The following CTNNAL1 variants were observed in gnomAD, a reference collection of about 807,000 sequenced individuals.
CTNNAL1 encodes the protein alpha-catulin.
In CTNNAL1, 69 loss-of-function variants were observed where a neutral mutation model predicts 93.6. The observed-to-expected ratio is 0.74, with a 90% CI of 0.61 to 0.90. The LOEUF (loss-of-function observed/expected upper bound fraction) is 0.90. Ranked by LOEUF, CTNNAL1 falls within the 40% of genes least tolerant of loss-of-function variation. The pLI, the probability that CTNNAL1 is intolerant of heterozygous loss-of-function variation, is 0.00. For synonymous variants in CTNNAL1, 286 were observed against 305.4 expected (o/e 0.94, Z 0.66); for missense variants, 836 against 862.0 (o/e 0.97, Z 0.38).
intron 11 of CTNNAL1, among the ~76,000 whole-genome samples, chr9:108,963,969 C>T (rs564779433): frequency 6.6e-6 from 1 of 152,172 alleles, no homozygotes; most frequent in Non-Finnish European, 1.5e-5. Flanking sequence ...CTGGGCCTTA[C>T]AGATACTCCA....
At chr9:109,010,668 C>A (rs553064628) in intron 1 of CTNNAL1, among the ~76,000 whole-genome samples, 149 of 151,680 alleles carry the variant, frequency 9.8e-4, no homozygotes, top group African/African-American at 3.4e-3. Flanking sequence ...TCTGTGAATG[C>A]AAAAAAAACT....
In CTNNAL1 at chr9:108,972,853, TGGGGGGGTGGGA is replaced by T; in HGVS notation, c.1189-32_1189-21del. 2 of 54,968 alleles carry T rather than the reference TGGGGGGGTGGGA, an allele frequency of 3.6e-5. No individual in the cohort carries two copies. The highest frequency in any genetic ancestry group is 5.2e-5 in the Non-Finnish European group (2 of 38,546). The allele number at this position is 54,968 out of a possible 1,614,324, so 3.4% of individuals were successfully genotyped here. A position where few individuals can be genotyped will look rare whatever the true frequency, so the allele number is the denominator to read the frequency against. On this transcript the variant is annotated intron_variant, in intron 8 of 18. Coordinates refer to ENST00000325551, the MANE Select transcript of CTNNAL1 (RefSeq NM_003798.4). The stretch of plus-strand genomic sequence containing the variant: ...ATGAAGCTGCAGATGTGTGTGTGGG[TGGGGGGGTGGGA>T]GGGTGGAGAAGGAGAAGGGTGATGA...
chr9:108,969,249 G>A (rs1296189866), intron 10 of CTNNAL1, among the ~76,000 whole-genome samples: 2 of 150,230 alleles, frequency 1.3e-5, no homozygotes, highest in African/African-American at 2.5e-5. Context: ...CAGCCTGGGC[G>A]ACAGAGCTAG....
At chr9:108,972,864 G>GGGGGGCCGCCCCCCCCCC in intron 8 of CTNNAL1, 31 bp from the exon 9 acceptor site, 1 of 142,584 alleles carries the variant, frequency 7.0e-6, no homozygotes, top group Non-Finnish European at 1.0e-5. Flanking sequence ...GGGGGGGTGG[G>GGGGGGCCGCCCCCCCCCC]AGGGTGGAGA....
At chr9:108,991,550 A>C (rs1427777690) in intron 3 of CTNNAL1, among the ~76,000 whole-genome samples, 1 of 152,014 alleles carries the variant, frequency 6.6e-6, no homozygotes, top group Non-Finnish European at 1.5e-5. Context: ...TTAAAAAAAA[A>C]CACAGATATC....
At chr9:108,983,904 CTTGAT>C (rs1831518472) in intron 5 of CTNNAL1, among the ~76,000 whole-genome samples, 1 of 152,190 alleles carries the variant, frequency 6.6e-6, no homozygotes, top group Non-Finnish European at 1.5e-5. Context: ...TGGAAATACT[CTTGAT>C]TGATAATTTT....
chr9:108,952,612 A>G, intron 12 of CTNNAL1, 118 bp from the exon 13 acceptor site: 1 of 1,251,102 alleles, frequency 8.0e-7, no homozygotes, highest in South Asian at 1.4e-5. Flanking sequence ...AATATTCAGT[A>G]TGTAATGACT....
At chr9:108,976,938 G>C in intron 8 of CTNNAL1, 24 bp downstream of exon 8, 1 of 1,002,942 alleles carries the variant, frequency 1.0e-6, no homozygotes, top group Non-Finnish European at 1.4e-6. Context: ...AATTAGAAGA[G>C]GCTAAATTTC....
chr9:108,954,966 T>A lies in CTNNAL1; in HGVS notation c.1629+824A>T, dbSNP rs112840559. Among the ~76,000 whole-genome samples, 393 of 119,644 alleles carry A rather than the reference T, an allele frequency of 3.3e-3. 2 individuals are homozygous for A. Among genetic ancestry groups the A allele is most frequent in the African/African-American group, 0.01 (370 of 36,924 alleles). The allele number at this position is 119,644 out of a possible 152,430, so 78.5% of individuals were successfully genotyped here. ...TTACTATTGATAATCATCAGTAATT[T>A]TATTTTTTTTTTTTTTGAGACAGTC... is the stretch of plus-strand genomic sequence containing the variant. On this transcript the variant is annotated intron_variant, in intron 12 of 18. Coordinates refer to ENST00000325551, the MANE Select transcript of CTNNAL1 (RefSeq NM_003798.4).
chr9:108,992,899 G>T lies in CTNNAL1; in HGVS notation c.332-80C>A, dbSNP rs1564144869. The stretch of plus-strand genomic sequence containing the variant: ...ACTTCTCTCTAACCTTGAAGGTAAG[G>T]CACAATGAGGAGAAACTCAGCTTTG... On this transcript the variant is annotated intron_variant, in intron 2 of 18. Coordinates refer to ENST00000325551, the MANE Select transcript of CTNNAL1 (RefSeq NM_003798.4). The T allele has an allele frequency of 2.1e-6, 3 of 1,413,210 alleles. No individual in the cohort carries two copies. In the African/African-American group the frequency reaches 4.3e-5, roughly 20 times the overall value. 87.5% of individuals were successfully genotyped at this position (1,413,210 alleles called of 1,614,324 possible).
chr9:108,973,670 C>T (rs1232590462), intron 8 of CTNNAL1, among the ~76,000 whole-genome samples: 3 of 135,634 alleles, frequency 2.2e-5, no homozygotes, highest in Non-Finnish European at 4.7e-5. Flanking sequence ...ATCTTTTCTT[C>T]TTATCTTGCC....
chr9:108,981,799 C>T (rs1831439734), intron 6 of CTNNAL1, among the ~76,000 whole-genome samples: 1 of 152,114 alleles, frequency 6.6e-6, no homozygotes, highest in Non-Finnish European at 1.5e-5. Flanking sequence ...GTGGTGGGTG[C>T]CTGTAATCCA....
At chr9:108,976,887 TA>T in intron 8 of CTNNAL1, 74 bp downstream of exon 8, 1 of 587,264 alleles carries the variant, frequency 1.7e-6, no homozygotes, top group South Asian at 3.1e-5. Context: ...CTAATAATAC[TA>T]ATGTATTTCA....
chr9:108,982,762 T>C (rs113550030), intron 6 of CTNNAL1, among the ~76,000 whole-genome samples: 15 of 152,342 alleles, frequency 9.8e-5, no homozygotes, highest in African/African-American at 3.4e-4. Flanking sequence ...ATGGATACTA[T>C]ACATAATGAT....
intron 3 of CTNNAL1, among the ~76,000 whole-genome samples, chr9:108,992,397 T>G (rs531301649): frequency 4.1e-4 from 62 of 152,144 alleles, no homozygotes; most frequent in African/African-American, 1.4e-3. Flanking sequence ...TTTCTTTTTT[T>G]TTTTTTTTAA....
intron 7 of CTNNAL1, 142 bp downstream of exon 7, chr9:108,979,139 G>A (rs1831347865): frequency 9.4e-7 from 1 of 1,064,762 alleles, no homozygotes; most frequent in South Asian, 1.7e-5. Context: ...TGGCCAACTA[G>A]GAGGGAAAGA....
At chr9:108,998,916 G>C (rs1054224295) in intron 2 of CTNNAL1, 151 bp downstream of exon 2, 4 of 881,828 alleles carry the variant, frequency 4.5e-6, no homozygotes, top group Admixed American at 7.1e-5. Context: ...GCCAAGTGCA[G>C]TATTCGCGGA....
At chr9:108,965,670 T>G (rs1332094124) in intron 10 of CTNNAL1, 142 bp from the exon 11 acceptor site, 3 of 449,116 alleles carry the variant, frequency 6.7e-6, no homozygotes, top group Non-Finnish European at 1.1e-5. Flanking sequence ...AAGCTCCATG[T>G]TGGGCAATAT....
chr9:108,958,059 G>A (rs1587950891), intron 11 of CTNNAL1, among the ~76,000 whole-genome samples: 1 of 63,782 alleles, frequency 1.6e-5, no homozygotes, highest in Admixed American at 2.3e-4. Flanking sequence ...GAGCAAGACT[G>A]TCTCAAAAAA....
Sources: gnomAD v4.1 joint callset for allele counts (sites outside exome capture counted in the v4.1 genomes callset) on GRCh38, gnomAD v4.1.1 for gene constraint, MANE v1.5 for transcripts, NCBI Gene and HGNC (gene_info 2026-07-23, HGNC 2026-07-21) for gene names.